HS6ST1: variants seen among roughly 807,000 people sequenced by gnomAD.
HS6ST1 encodes the protein heparan-sulfate 6-O-sulfotransferase 1.
Under a neutral mutation model 25.2 loss-of-function variants are expected in HS6ST1, and 3 were observed. That is an observed-to-expected ratio of 0.12 (90% confidence interval 0.05 to 0.31). The LOEUF is 0.31. Ranked by LOEUF, HS6ST1 falls within the 10% of genes least tolerant of loss-of-function variation. HS6ST1 has a pLI of 1.00. For missense variants in HS6ST1, 310 were observed against 609.6 expected, an observed-to-expected ratio of 0.51 and a Z score of 5.18; for synonymous variants, 204 against 275.1, an observed-to-expected ratio of 0.74 and a Z score of 2.56.
At chr2:128,301,165 G>C (rs1178006608) in intron 1 of HS6ST1, among the ~76,000 whole-genome samples, 1 of 151,928 alleles carries the variant, frequency 6.6e-6, no homozygotes, top group African/African-American at 2.4e-5. Context: ...GTGGGACTGG[G>C]GTCGCCGGGG....
At position 128,301,855 on chromosome 2, in the gene HS6ST1, C is replaced by T. The variant is rs112532440; in HGVS notation, c.527+16182G>A. On this transcript the variant is annotated intron_variant, in intron 1 of 1. Transcript: ENST00000259241. The stretch of plus-strand genomic sequence containing the variant: ...GGGCAGCATGTGTTCCTGGGCCCCA[C>T]TGGCTCACGCAGGCATCACGGCTGC... Among the ~76,000 whole-genome samples, 8 of 152,316 alleles carry T rather than the reference C, an allele frequency of 5.3e-5. 2 individuals carry two copies. The highest frequency in any genetic ancestry group is 2.1e-4 in the South Asian group (1 of 4,818).
chr2:128,269,253 C>T (rs1309453845), intron 1 of HS6ST1, among the ~76,000 whole-genome samples: 1 of 152,198 alleles, frequency 6.6e-6, no homozygotes, highest in African/African-American at 2.4e-5. Flanking sequence ...ACCCAAAGAG[C>T]CACTCAGCAG....
At chr2:128,279,998 GCCT>G (rs769390949) in intron 1 of HS6ST1, among the ~76,000 whole-genome samples, 7 of 152,182 alleles carry the variant, frequency 4.6e-5, no homozygotes, top group Non-Finnish European at 8.8e-5. Flanking sequence ...AAGCGACCGG[GCCT>G]CACTGAGGCC....
chr2:128,285,510 C>T (rs1037783472), intron 1 of HS6ST1, among the ~76,000 whole-genome samples: 8 of 152,360 alleles, frequency 5.3e-5, no homozygotes, highest in Admixed American at 2.6e-4. Flanking sequence ...GGATGCCTGC[C>T]GCTACGGCCC....
rs1345869762 is a variant in HS6ST1, at chr2:128,299,228, C to G, written c.527+18809G>C. ...CCTCCTTGCTCTGCACCACAACTCC[C>G]CGACGCACCCCAACAGCATGGGAGG... On this transcript the variant is annotated intron_variant, in intron 1 of 1. Coordinates refer to ENST00000259241, the MANE Select transcript of HS6ST1 (RefSeq NM_004807.3). Among the ~76,000 whole-genome samples, 29 of 152,258 alleles carry G rather than the reference C, an allele frequency of 1.9e-4. 1 individual carries two copies. Among genetic ancestry groups the G allele is most frequent in the Admixed American group, 1.9e-3 (29 of 15,280 alleles).
intron 1 of HS6ST1, among the ~76,000 whole-genome samples, chr2:128,298,889 G>A (rs1694079460): frequency 6.6e-6 from 1 of 152,252 alleles, no homozygotes; most frequent in African/African-American, 2.4e-5. Flanking sequence ...AGTCCCAACA[G>A]CTTCTCAGGA....
intron 1 of HS6ST1, among the ~76,000 whole-genome samples, chr2:128,287,053 C>T (rs1415222030): frequency 1.3e-5 from 2 of 152,224 alleles, no homozygotes; most frequent in Non-Finnish European, 2.9e-5. Flanking sequence ...AGCCCCCTGA[C>T]CTGCATGATC....
chr2:128,291,748 T>A (rs558850421), intron 1 of HS6ST1, among the ~76,000 whole-genome samples: 1 of 152,308 alleles, frequency 6.6e-6, no homozygotes, highest in East Asian at 1.9e-4. Flanking sequence ...CCCCTCCTCT[T>A]TCCACGGGGA....
chr2:128,296,026 A>G (rs1694036076), intron 1 of HS6ST1, among the ~76,000 whole-genome samples: 1 of 152,174 alleles, frequency 6.6e-6, no homozygotes, highest in East Asian at 1.9e-4. Context: ...GTGGCTTCAT[A>G]AGAGAAGACA....
intron 1 of HS6ST1, among the ~76,000 whole-genome samples, chr2:128,310,019 G>A (rs1694264627): frequency 6.6e-6 from 1 of 152,158 alleles, no homozygotes. Context: ...TTTTAGAGAT[G>A]GGAAGACTGA....
intron 1 of HS6ST1, among the ~76,000 whole-genome samples, chr2:128,311,379 G>A (rs1004784656): frequency 2.6e-5 from 4 of 152,158 alleles, no homozygotes; most frequent in African/African-American, 7.2e-5. Flanking sequence ...GGGATGGCCC[G>A]AGTCTGCCTC....
At chr2:128,305,101 T>C (rs144364683) in intron 1 of HS6ST1, among the ~76,000 whole-genome samples, 1 of 152,312 alleles carries the variant, frequency 6.6e-6, no homozygotes, top group African/African-American at 2.4e-5. Context: ...GCCTGACCCA[T>C]TGCCTGCCTG....
chr2:128,288,410 T>TAC (rs1428373125), intron 1 of HS6ST1, among the ~76,000 whole-genome samples: 3 of 152,194 alleles, frequency 2.0e-5, no homozygotes, highest in Admixed American at 6.5e-5. Flanking sequence ...ACTTGATACC[T>TAC]ACGCCCGGTG....
intron 1 of HS6ST1, among the ~76,000 whole-genome samples, chr2:128,306,564 G>A (rs1159190053): frequency 6.6e-6 from 1 of 151,154 alleles, no homozygotes; most frequent in African/African-American, 2.5e-5. Flanking sequence ...CCTAGGGGCT[G>A]TAAACATTTG....
In HS6ST1 at chr2:128,265,778, C is replaced by CT. The variant is rs1693501581; in HGVS notation, c.*2383dup. ...TTTGCAGGTCTGGGGGTCCTGGTGA[C>CT]TAAGCTGTTAGCTCCACTCCCTGCC... On this transcript the variant is annotated 3_prime_UTR_variant, in exon 2 of 2. Transcript: ENST00000259241. 6.6e-6 allele frequency: 1 copy of CT among 152,202 alleles called. No homozygotes were observed. Among genetic ancestry groups the CT allele is most frequent in the East Asian group, 1.9e-4 (1 of 5,186 alleles). The allele number at this position is 152,202 out of a possible 1,614,324, so 9.4% of individuals were successfully genotyped here. A position where few individuals can be genotyped will look rare whatever the true frequency, so the allele number is the denominator to read the frequency against.
chr2:128,280,159 C>A (rs541831093), intron 1 of HS6ST1, among the ~76,000 whole-genome samples: 2 of 152,222 alleles, frequency 1.3e-5, no homozygotes, highest in Non-Finnish European at 2.9e-5. Flanking sequence ...TCTGACAGCA[C>A]CAAGCAGTCC....
Position 128,266,135 on chromosome 2 carries a change from C to A in HS6ST1, c.*2027G>T, listed in dbSNP as rs1258717041. On this transcript the variant is annotated 3_prime_UTR_variant, in exon 2 of 2. Coordinates refer to ENST00000259241, the MANE Select transcript of HS6ST1 (RefSeq NM_004807.3). ...GCTCAGGCCCGCGCACCCAGGAAGCCCATGGTGAAGGTGAGGTCACCTTGA... is the reference window on the plus strand; with the variant it reads ...GCTCAGGCCCGCGCACCCAGGAAGCACATGGTGAAGGTGAGGTCACCTTGA... 6.6e-6 allele frequency: 1 copy of A among 151,856 alleles called. No homozygotes were observed. The highest frequency in any genetic ancestry group is 1.5e-5 in the Non-Finnish European group (1 of 67,928). 9.4% of individuals were successfully genotyped at this position (151,856 alleles called of 1,614,324 possible). A position where few individuals can be genotyped will look rare whatever the true frequency, so the allele number is the denominator to read the frequency against.
intron 1 of HS6ST1, among the ~76,000 whole-genome samples, chr2:128,304,454 G>C (rs1483282573): frequency 6.6e-6 from 1 of 152,212 alleles, no homozygotes; most frequent in African/African-American, 2.4e-5. Flanking sequence ...GCACTAAGCT[G>C]TCTTTGGCTA....
intron 1 of HS6ST1, among the ~76,000 whole-genome samples, chr2:128,281,168 G>A (rs538358789): frequency 2.0e-5 from 3 of 152,360 alleles, no homozygotes; most frequent in African/African-American, 7.2e-5. Context: ...GGCAGACGGA[G>A]GCACCTGGGT....
Sources: allele counts gnomAD v4.1 joint callset (sites outside exome capture counted in the v4.1 genomes callset), GRCh38; gene constraint gnomAD v4.1.1; transcripts MANE v1.5; gene names NCBI Gene and HGNC (gene_info 2026-07-23, HGNC 2026-07-21).